The following STK39 variants were observed in gnomAD, a reference collection of about 807,000 sequenced individuals.
STK39 encodes serine/threonine kinase 39.
In STK39, 20 loss-of-function variants were observed where a neutral mutation model predicts 77.8. The ratio of observed to expected loss-of-function variants is 0.26; its 90% confidence interval spans 0.18 to 0.37. The LOEUF (loss-of-function observed/expected upper bound fraction) is 0.37, where lower values mean the gene tolerates loss of function less well. Among genes scored for constraint, STK39 ranks in the 10% least tolerant of loss-of-function variants. STK39 has a pLI of 1.00. For missense variants in STK39, 479 were observed against 656.5 expected (o/e 0.73, Z 2.95); for synonymous variants, 246 against 234.1 (o/e 1.05, Z -0.47).
chr2:168,034,758 C>T (rs1349676374), intron 14 of STK39, among the ~76,000 whole-genome samples: 1 of 152,206 alleles, frequency 6.6e-6, no homozygotes, highest in Non-Finnish European at 1.5e-5. Flanking sequence ...ATGAAGATGG[C>T]CCTGCCATGT....
intron 1 of STK39, among the ~76,000 whole-genome samples, chr2:168,217,379 T>C (rs780268006): frequency 6.6e-6 from 1 of 152,228 alleles, no homozygotes. Flanking sequence ...GGACGGGGAA[T>C]ACTCTGTTTC....
intron 1 of STK39, among the ~76,000 whole-genome samples, chr2:168,242,595 AT>A (rs1470153798): frequency 7.7e-6 from 1 of 129,584 alleles, no homozygotes; most frequent in African/African-American, 3.1e-5. Context: ...ATATATATAT[AT>A]AAAGAGGCCA....
At chr2:168,229,791 T>C (rs1431563117) in intron 1 of STK39, among the ~76,000 whole-genome samples, 1 of 152,112 alleles carries the variant, frequency 6.6e-6, no homozygotes, top group African/African-American at 2.4e-5. Flanking sequence ...TTTAAGAAAG[T>C]CAGTCTGGAA....
rs1207971171 is a variant in STK39, at chr2:168,124,783, A to G, written c.1089+4758T>C. ...TCAAGTATGTTATCACTAACATAAA[A>G]CTTAGACATCAGCCAATTCTGAGGG... On this transcript the variant is annotated intron_variant, in intron 10 of 17. Coordinates refer to ENST00000355999, the MANE Select transcript of STK39 (RefSeq NM_013233.3). Among the ~76,000 whole-genome samples the G allele has an allele frequency of 2.0e-5, 3 of 152,196 alleles. No homozygotes were observed. The East Asian group carries it at 5.8e-4, about 29-fold the overall frequency.
chr2:168,207,896 C>T (rs1362165900), intron 1 of STK39, among the ~76,000 whole-genome samples: 1 of 152,036 alleles, frequency 6.6e-6, no homozygotes, highest in African/African-American at 2.4e-5. Flanking sequence ...AAAGTCCACA[C>T]CTTAATAAGC....
chr2:168,016,941 TAAAC>T, intron 15 of STK39, 98 bp downstream of exon 15: 1 of 911,240 alleles, frequency 1.1e-6, no homozygotes, highest in Non-Finnish European at 1.6e-6. Flanking sequence ...CCTTCACTAT[TAAAC>T]AAAGCAGTTT....
chr2:168,246,889 G>A (rs1690924378), intron 1 of STK39, among the ~76,000 whole-genome samples: 2 of 151,736 alleles, frequency 1.3e-5, no homozygotes, highest in Admixed American at 6.6e-5. Flanking sequence ...CTGCGGTCCC[G>A]GCACGCGGGG....
chr2:168,113,736 G>A (rs1687180932), intron 10 of STK39, among the ~76,000 whole-genome samples: 1 of 152,132 alleles, frequency 6.6e-6, no homozygotes, highest in African/African-American at 2.4e-5. Context: ...CCTGAATCCT[G>A]TCCCCAGACC....
chr2:167,974,676 G>T (rs562053071), intron 16 of STK39, among the ~76,000 whole-genome samples: 2 of 152,116 alleles, frequency 1.3e-5, no homozygotes, highest in Non-Finnish European at 2.9e-5. Context: ...ACTATTTAAA[G>T]TCATTTCCAC....
intron 16 of STK39, among the ~76,000 whole-genome samples, chr2:168,000,938 T>C: frequency 6.6e-6 from 1 of 152,238 alleles, no homozygotes; most frequent in Non-Finnish European, 1.5e-5. Context: ...GACCAAATTC[T>C]ACAAGGATAA....
chr2:167,987,201 C>T (rs1168694593), intron 16 of STK39, among the ~76,000 whole-genome samples: 1 of 152,108 alleles, frequency 6.6e-6, no homozygotes, highest in Admixed American at 6.5e-5. Context: ...AGTGCCAGAC[C>T]CACTGTAGTT....
intron 1 of STK39, among the ~76,000 whole-genome samples, chr2:168,220,388 G>A (rs535273071): frequency 4.7e-4 from 72 of 152,226 alleles, no homozygotes; most frequent in African/African-American, 1.7e-3. Context: ...GTTAAGAGGG[G>A]ATTTACAGAC....
chr2:167,984,784 T>C (rs2105272978), intron 16 of STK39, among the ~76,000 whole-genome samples: 1 of 152,302 alleles, frequency 6.6e-6, no homozygotes, highest in Non-Finnish European at 1.5e-5. Context: ...CTTTTAAAAA[T>C]ACACTTAAAA....
chr2:168,181,638 A>G (rs956436282), intron 2 of STK39, among the ~76,000 whole-genome samples: 2 of 152,192 alleles, frequency 1.3e-5, no homozygotes, highest in Non-Finnish European at 2.9e-5. Context: ...CCAGAAGCTC[A>G]CCATCCAAAA....
chr2:168,241,655 A>G (rs971533870), intron 1 of STK39, among the ~76,000 whole-genome samples: 7 of 152,240 alleles, frequency 4.6e-5, no homozygotes, highest in Non-Finnish European at 1.0e-4. Flanking sequence ...CCTCCCTGCT[A>G]GAAACATAGC....
At chr2:168,239,809 T>G (rs911384321) in intron 1 of STK39, among the ~76,000 whole-genome samples, 1 of 152,100 alleles carries the variant, frequency 6.6e-6, no homozygotes, top group African/African-American at 2.4e-5. Flanking sequence ...AATTTGCAGA[T>G]AGTGTGACAA....
At chr2:167,975,025 G>A (rs1683238371) in intron 16 of STK39, among the ~76,000 whole-genome samples, 2 of 152,182 alleles carry the variant, frequency 1.3e-5, no homozygotes, top group Non-Finnish European at 2.9e-5. Context: ...TCAGTTATCA[G>A]TGCTATGTAC....
chr2:168,130,707 T>C (rs993440708), intron 8 of STK39, among the ~76,000 whole-genome samples: 5 of 152,254 alleles, frequency 3.3e-5, no homozygotes, highest in Non-Finnish European at 5.9e-5. Flanking sequence ...TCATAGGAAG[T>C]AGCAGAATAC....
chr2:168,176,526 G>C (rs1364610617), intron 2 of STK39, among the ~76,000 whole-genome samples: 2 of 152,196 alleles, frequency 1.3e-5, no homozygotes, highest in African/African-American at 4.8e-5. Flanking sequence ...TAAGGAGAGG[G>C]AGGTGACGGA....
Sources: gnomAD v4.1 joint callset for allele counts (sites outside exome capture counted in the v4.1 genomes callset) on GRCh38, gnomAD v4.1.1 for gene constraint, MANE v1.5 for transcripts, NCBI Gene and HGNC (gene_info 2026-07-23, HGNC 2026-07-21) for gene names.